ATRNL1: variants seen among roughly 807,000 people sequenced by gnomAD.
ATRNL1 encodes the protein attractin like 1, also known as attractin-like protein 1.
ATRNL1 carries 95 observed loss-of-function variants against 182.7 expected under a neutral mutation model. That is an observed-to-expected ratio of 0.52 (90% confidence interval 0.44 to 0.62). The LOEUF is 0.62. Among genes scored for constraint, ATRNL1 ranks in the 20% least tolerant of loss-of-function variants. ATRNL1 has a pLI of 0.00. For synonymous variants in ATRNL1, 576 were observed against 568.3 expected, an observed-to-expected ratio of 1.01 and a Z score of -0.19; for missense variants, 1,471 against 1,679.5, an observed-to-expected ratio of 0.88 and a Z score of 2.17.
intron 19 of ATRNL1, among the ~76,000 whole-genome samples, chr10:115,376,899 TA>T (rs1857704205): frequency 6.6e-6 from 1 of 152,098 alleles, no homozygotes; most frequent in African/African-American, 2.4e-5. Context: ...TTCTTCATTT[TA>T]AAAAGAATCA....
intron 10 of ATRNL1, among the ~76,000 whole-genome samples, chr10:115,260,936 A>T (rs1169460523): frequency 6.6e-6 from 1 of 152,120 alleles, no homozygotes; most frequent in Non-Finnish European, 1.5e-5. Context: ...AACATTTTAG[A>T]CAGGAAGGAA....
rs1408321252 is a variant in ATRNL1 at position 115,318,067 on chromosome 10, AT to A, written c.3037+2332del. Among the ~76,000 whole-genome samples the A allele has an allele frequency of 2.0e-5, 3 of 152,116 alleles. No homozygotes were observed. In the East Asian group the frequency reaches 5.8e-4, roughly 29 times the overall value. On this transcript the variant is annotated intron_variant, in intron 18 of 28. Transcript: ENST00000355044. ...AGCTCCTATTATCGAGCTGTGTTCC[AT>A]CAATACCTAGTTTAGTGAGAGTTTT...
At chr10:115,115,389 TAG>T (rs1844438067) in intron 1 of ATRNL1, among the ~76,000 whole-genome samples, 1 of 152,178 alleles carries the variant, frequency 6.6e-6, no homozygotes, top group South Asian at 2.1e-4. Flanking sequence ...ACATTGCTAA[TAG>T]AGTGGATTTT....
chr10:115,546,347 G>A (rs1173600012), intron 25 of ATRNL1, among the ~76,000 whole-genome samples: 1 of 151,948 alleles, frequency 6.6e-6, no homozygotes, highest in Non-Finnish European at 1.5e-5. Context: ...GGCAGATCAT[G>A]AGGTCAGGAG....
rs555213861 is a variant in ATRNL1 at position 115,497,903 on chromosome 10, G to A, written c.3655-21360G>A. Among the ~76,000 whole-genome samples the A allele has an allele frequency of 5.3e-5, 8 of 151,618 alleles. No individual in the cohort carries two copies. In the East Asian group the frequency reaches 7.8e-4, roughly 15 times the overall value. On this transcript the variant is annotated intron_variant, in intron 24 of 28. Coordinates refer to ENST00000355044, the MANE Select transcript of ATRNL1 (RefSeq NM_207303.4). ...GATCTCCTGACCTCATGATCCACCC[G>A]CCTAGGCCTCCCGCAGTGCTGAGAT...
At chr10:115,463,864 A>G (rs781912329) in intron 22 of ATRNL1, among the ~76,000 whole-genome samples, 1 of 152,064 alleles carries the variant, frequency 6.6e-6, no homozygotes, top group Non-Finnish European at 1.5e-5. Context: ...GATTAATAGT[A>G]ATTCCAAACC....
chr10:115,218,710 T>A (rs1464467904), intron 9 of ATRNL1, among the ~76,000 whole-genome samples: 1 of 152,206 alleles, frequency 6.6e-6, no homozygotes, highest in Admixed American at 6.5e-5. Flanking sequence ...TGCAGCCACT[T>A]TACCTGCCAA....
rs1391793713 is a variant in ATRNL1, at chr10:115,533,953, A to G, written c.3716+14629A>G. On this transcript the variant is annotated intron_variant, in intron 25 of 28. Coordinates refer to ENST00000355044, the MANE Select transcript of ATRNL1 (RefSeq NM_207303.4). ...TAATCCTGAGTTCTAGTTTGATTGC[A>G]CTGTGGTCTGAGAGACAGTTTGTTA... Among the ~76,000 whole-genome samples the G allele has an allele frequency of 6.2e-3, 804 of 128,806 alleles. 3 individuals carry two copies. The highest frequency in any genetic ancestry group is 8.3e-3 in the Middle Eastern group (2 of 242). The allele number at this position is 128,806 out of a possible 152,430, so 84.5% of individuals were successfully genotyped here.
At chr10:115,882,306 G>C (rs1483625475) in intron 28 of ATRNL1, among the ~76,000 whole-genome samples, 1 of 152,176 alleles carries the variant, frequency 6.6e-6, no homozygotes, top group Non-Finnish European at 1.5e-5. Context: ...TGGGAGAAAG[G>C]CTGGTGGTCA....
intron 26 of ATRNL1, among the ~76,000 whole-genome samples, chr10:115,559,444 G>GTGCGCGCA (rs1554998463): frequency 4.8e-5 from 3 of 62,790 alleles, no homozygotes; most frequent in East Asian, 1.6e-3. Context: ...GTGTGTGTGT[G>GTGCGCGCA]CGCGCGCGCA....
At chr10:115,222,327 A>G (rs1849500553) in intron 9 of ATRNL1, among the ~76,000 whole-genome samples, 1 of 152,180 alleles carries the variant, frequency 6.6e-6, no homozygotes, top group Non-Finnish European at 1.5e-5. Flanking sequence ...AAGATGTGGA[A>G]ATTGTCTAAC....
At chr10:115,455,329 C>T (rs1321070844) in intron 21 of ATRNL1, among the ~76,000 whole-genome samples, 1 of 151,998 alleles carries the variant, frequency 6.6e-6, no homozygotes, top group African/African-American at 2.4e-5. Flanking sequence ...AGAAATAATA[C>T]CACACGTCTA....
intron 9 of ATRNL1, among the ~76,000 whole-genome samples, chr10:115,239,308 C>T (rs1345152480): frequency 6.6e-6 from 1 of 152,074 alleles, no homozygotes; most frequent in Non-Finnish European, 1.5e-5. Context: ...TCTCAGCTCG[C>T]TGGAACCTCT....
At chr10:115,846,685 C>T (rs1950935304) in intron 27 of ATRNL1, among the ~76,000 whole-genome samples, 1 of 152,016 alleles carries the variant, frequency 6.6e-6, no homozygotes, top group Admixed American at 6.6e-5. Flanking sequence ...TGTTTAATTC[C>T]AAATTTCATA....
At chr10:115,223,929 A>ATATATATATATATATATTTTTTTTTT (rs1420143943) in intron 9 of ATRNL1, among the ~76,000 whole-genome samples, 2 of 44,712 alleles carry the variant, frequency 4.5e-5, no homozygotes, top group African/African-American at 1.8e-4. Context: ...ATATATATAT[A>ATATATATATATATATATTTTTTTTTT]TTTTTTTTTT....
In ATRNL1 at chr10:115,435,644, C is replaced by T. The variant is rs553221172; in HGVS notation, c.3322+9342C>T. Among the ~76,000 whole-genome samples, 26 of 152,264 alleles carry T rather than the reference C, an allele frequency of 1.7e-4. 1 individual carries two copies. The highest frequency in any genetic ancestry group is 6.2e-4 in the South Asian group (3 of 4,824). ...TTGTTCTTAGATATCTCAAACTTTA[C>T]GAAGATTATGGCTTTCGCATTTACT... On this transcript the variant is annotated intron_variant, in intron 21 of 28. Coordinates refer to ENST00000355044, the MANE Select transcript of ATRNL1 (RefSeq NM_207303.4).
At chr10:115,221,712 T>A (rs1849473591) in intron 9 of ATRNL1, among the ~76,000 whole-genome samples, 1 of 152,156 alleles carries the variant, frequency 6.6e-6, no homozygotes, top group Admixed American at 6.5e-5. Context: ...TATCCAGATG[T>A]GCCAAGGAAG....
intron 27 of ATRNL1, among the ~76,000 whole-genome samples, chr10:115,839,529 T>C (rs1269340871): frequency 6.6e-6 from 1 of 152,162 alleles, no homozygotes; most frequent in Non-Finnish European, 1.5e-5. Flanking sequence ...ACAACCCATA[T>C]GTCTTTGCAC....
intron 21 of ATRNL1, among the ~76,000 whole-genome samples, chr10:115,453,597 T>A (rs1847377193): frequency 6.6e-6 from 1 of 152,068 alleles, no homozygotes; most frequent in African/African-American, 2.4e-5. Flanking sequence ...GTTCAAGAAA[T>A]CATTGTGTAC....
Sources: allele counts gnomAD v4.1 joint callset (sites outside exome capture counted in the v4.1 genomes callset), GRCh38; gene constraint gnomAD v4.1.1; transcripts MANE v1.5; gene names NCBI Gene and HGNC (gene_info 2026-07-23, HGNC 2026-07-21).